The following LAMA2 variants were observed in gnomAD, a reference collection of about 807,000 sequenced individuals.
LAMA2 encodes the protein laminin subunit alpha 2.
In LAMA2, 269 loss-of-function variants were observed where a neutral mutation model predicts 364.8. That is an observed-to-expected ratio of 0.74 (90% CI 0.67 to 0.82). The LOEUF (loss-of-function observed/expected upper bound fraction) is 0.82, where lower values mean the gene tolerates loss of function less well. Ranked by LOEUF, LAMA2 falls within the 40% of genes least tolerant of loss-of-function variation. The pLI is 0.00. For synonymous variants in LAMA2, 1,379 were observed against 1,370.6 expected (o/e 1.01, Z -0.14); for missense variants, 3,807 against 3,873.2 (o/e 0.98, Z 0.45).
At chr6:129,516,127 C>CATGCTCTTAATATTT in intron 64 of LAMA2, 63 bp from the exon 65 acceptor site, 9 of 1,550,426 alleles carry the variant, frequency 5.8e-6, no homozygotes, top group Non-Finnish European at 8.0e-6. Context: ...GACTTTGAAA[C>CATGCTCTTAATATTT]ATGCTCTTAA....
At position 129,119,717 on chromosome 6, in the gene LAMA2, T is replaced by G. The variant is rs536352280; in HGVS notation, c.639+21302T>G. ...CGCCCGCCACCACGCCTGGCTAATT[T>G]TTTTGTATTTTTAGTACAGACGGGG... On this transcript the variant is annotated intron_variant, in intron 4 of 64. Transcript: ENST00000421865. 5.2e-4 allele frequency among the ~76,000 whole-genome samples: 79 copies of G among 152,166 alleles called. No homozygotes were observed. The East Asian group carries it at 0.015, about 29-fold the overall frequency.
At chr6:129,054,668 A>ATATGT (rs201382419) in intron 2 of LAMA2, among the ~76,000 whole-genome samples, 3,440 of 148,674 alleles carry the variant, frequency 0.023, 127 homozygotes, top group African/African-American at 0.08. Flanking sequence ...GAAATATATG[A>ATATGT]TATGTAATAT....
intron 1 of LAMA2, among the ~76,000 whole-genome samples, chr6:129,009,695 C>A (rs537482091): frequency 6.6e-6 from 1 of 152,226 alleles, no homozygotes. Context: ...AAAATTTAAA[C>A]CCTTGAATAT....
rs764955192 is a variant in LAMA2 at position 128,936,316 on chromosome 6, T to C, written c.112+52959T>C. On this transcript the variant is annotated intron_variant, in intron 1 of 64. Coordinates refer to ENST00000421865, the MANE Select transcript of LAMA2 (RefSeq NM_000426.4). Reference sequence around the variant, plus strand: ...CAGTATGACATCAGCTGTAGACTTGTCATATATGTCCTTTATTATGTTCAG... The same window carrying C: ...CAGTATGACATCAGCTGTAGACTTGCCATATATGTCCTTTATTATGTTCAG... Among the ~76,000 whole-genome samples, 219 of 152,256 alleles carry C rather than the reference T, an allele frequency of 1.4e-3. 4 individuals carry two copies. Among genetic ancestry groups the C allele is most frequent in the Non-Finnish European group, 4.8e-4 (33 of 68,042 alleles).
chr6:129,369,144 A>G (rs1175997268), intron 33 of LAMA2, among the ~76,000 whole-genome samples: 1 of 152,190 alleles, frequency 6.6e-6, no homozygotes, highest in African/African-American at 2.4e-5. Flanking sequence ...GAGGGAGGAT[A>G]AAGCTATGAT....
At chr6:128,927,275 C>T (rs1049990119) in intron 1 of LAMA2, among the ~76,000 whole-genome samples, 1 of 152,146 alleles carries the variant, frequency 6.6e-6, no homozygotes, top group East Asian at 1.9e-4. Context: ...TTCTAACACA[C>T]ACATAACAAA....
chr6:129,319,917 G>C (rs1417247557), intron 27 of LAMA2, among the ~76,000 whole-genome samples: 1 of 152,134 alleles, frequency 6.6e-6, no homozygotes, highest in African/African-American at 2.4e-5. Flanking sequence ...CAGATCACTT[G>C]AGGTCAACAG....
chr6:129,375,728 A>G (rs971245745), intron 34 of LAMA2, among the ~76,000 whole-genome samples: 7 of 152,154 alleles, frequency 4.6e-5, no homozygotes, highest in Non-Finnish European at 7.4e-5. Flanking sequence ...TTCAATTGCC[A>G]TGTACAAGCT....
At chr6:129,014,674 T>C (rs1174965356) in intron 1 of LAMA2, among the ~76,000 whole-genome samples, 1 of 152,132 alleles carries the variant, frequency 6.6e-6, no homozygotes, top group Non-Finnish European at 1.5e-5. Context: ...AAAAATATGC[T>C]ATTTAGGTTT....
chr6:129,452,843 C>G, intron 45 of LAMA2, 145 bp from the exon 46 acceptor site: 1 of 717,434 alleles, frequency 1.4e-6, no homozygotes. Context: ...ATAATGGTGT[C>G]TGCATATGGG....
intron 49 of LAMA2, 38 bp downstream of exon 49, chr6:129,460,362 T>A (rs749757518): frequency 1.9e-6 from 3 of 1,604,754 alleles, no homozygotes; most frequent in Non-Finnish European, 2.6e-6. Flanking sequence ...GTCTGTCCTG[T>A]GCATAATAAA....
intron 49 of LAMA2, among the ~76,000 whole-genome samples, chr6:129,462,823 A>G (rs2114805739): frequency 6.6e-6 from 1 of 152,118 alleles, no homozygotes; most frequent in East Asian, 1.9e-4. Context: ...AATCATTCCT[A>G]CTAAAGAGCA....
intron 1 of LAMA2, among the ~76,000 whole-genome samples, chr6:129,044,786 A>G (rs769489100): frequency 4.6e-5 from 7 of 152,262 alleles, no homozygotes; most frequent in Non-Finnish European, 1.0e-4. Context: ...TGTCATTAAC[A>G]TTACAGGACC....
chr6:129,333,767 A>G (rs893265479), intron 29 of LAMA2, among the ~76,000 whole-genome samples: 32 of 152,334 alleles, frequency 2.1e-4, no homozygotes, highest in African/African-American at 7.0e-4. Flanking sequence ...TGGCATTTTT[A>G]GCACAGTTAT....
chr6:128,954,015 T>G (rs934801972), intron 1 of LAMA2, among the ~76,000 whole-genome samples: 5 of 152,168 alleles, frequency 3.3e-5, no homozygotes, highest in African/African-American at 1.2e-4. Context: ...TAAATTTCAT[T>G]TCATCTCTTC....
At chr6:129,275,283 G>T (rs1284448267) in intron 17 of LAMA2, among the ~76,000 whole-genome samples, 3 of 151,928 alleles carry the variant, frequency 2.0e-5, no homozygotes, top group Non-Finnish European at 4.4e-5. Flanking sequence ...ATGTGCACAT[G>T]GGAGATTATG....
Position 129,374,819 on chromosome 6 carries a change from G to A in LAMA2, c.4959+4829G>A, listed in dbSNP as rs113510513. Among the ~76,000 whole-genome samples, 261 of 150,026 alleles carry A rather than the reference G, an allele frequency of 1.7e-3. 1 individual carries two copies. Among genetic ancestry groups the A allele is most frequent in the African/African-American group, 6.1e-3 (247 of 40,746 alleles). On this transcript the variant is annotated intron_variant, in intron 34 of 64. Coordinates refer to ENST00000421865, the MANE Select transcript of LAMA2 (RefSeq NM_000426.4). Reference sequence around the variant, plus strand: ...AGGCTGGTCTCGAACCCCTGACCTCGGGTGATCCACCCGCCTCAGCCTCCC... The same window carrying A: ...AGGCTGGTCTCGAACCCCTGACCTCAGGTGATCCACCCGCCTCAGCCTCCC...
chr6:129,300,500 C>CT (rs1384879838), intron 21 of LAMA2, among the ~76,000 whole-genome samples: 1 of 152,100 alleles, frequency 6.6e-6, no homozygotes, highest in African/African-American at 2.4e-5. Flanking sequence ...GCTAAAAATA[C>CT]TTTAACTTTT....
At chr6:129,036,427 A>G (rs1786644447) in intron 1 of LAMA2, among the ~76,000 whole-genome samples, 1 of 152,120 alleles carries the variant, frequency 6.6e-6, no homozygotes, top group African/African-American at 2.4e-5. Context: ...CCCTTCTTTT[A>G]TTTGGGTATC....
Sources: gnomAD v4.1 joint callset for allele counts (sites outside exome capture counted in the v4.1 genomes callset) on GRCh38, gnomAD v4.1.1 for gene constraint, MANE v1.5 for transcripts, NCBI Gene and HGNC (gene_info 2026-07-23, HGNC 2026-07-21) for gene names.